The following YWHAQ variants were observed in gnomAD, a reference collection of about 807,000 sequenced individuals.
YWHAQ encodes tyrosine 3-monooxygenase/tryptophan 5-monooxygenase activation protein theta.
YWHAQ carries 6 observed loss-of-function variants against 28.3 expected under a neutral mutation model. The ratio of observed to expected loss-of-function variants is 0.21; its 90% CI spans 0.12 to 0.42. The LOEUF is 0.42. YWHAQ is among the 10% of genes least tolerant of loss of function. YWHAQ has a pLI of 1.00. For missense variants in YWHAQ, 201 were observed against 305.6 expected (o/e 0.66, Z 2.55); for synonymous variants, 143 against 119.1 (o/e 1.20, Z -1.31).
At chr2:9,604,259 A>C (rs1666774380) in intron 2 of YWHAQ, among the ~76,000 whole-genome samples, 1 of 152,164 alleles carries the variant, frequency 6.6e-6, no homozygotes, top group Non-Finnish European at 1.5e-5. Flanking sequence ...CGGGGGGAAA[A>C]GGTATTCCAA....
At chr2:9,591,583 AAACTTC>A in intron 2 of YWHAQ, 68 bp from the exon 3 acceptor site, 1 of 1,536,198 alleles carries the variant, frequency 6.5e-7, no homozygotes, top group Non-Finnish European at 8.8e-7. Flanking sequence ...TTAAATGATA[AAACTTC>A]TGCCTAGCGG....
chr2:9,598,392 G>C (rs912781852), intron 2 of YWHAQ, among the ~76,000 whole-genome samples: 1 of 152,164 alleles, frequency 6.6e-6, no homozygotes, highest in African/African-American at 2.4e-5. Context: ...TAAGCCCACT[G>C]TCCTAGCAGA....
intron 2 of YWHAQ, among the ~76,000 whole-genome samples, chr2:9,607,711 CTTT>C (rs34963513): frequency 1.6e-4 from 21 of 128,642 alleles, no homozygotes; most frequent in African/African-American, 2.7e-4. Context: ...AATTCTTCCT[CTTT>C]TTTTTTTTTT....
At chr2:9,624,751 CT>C (rs368023264) in intron 2 of YWHAQ, among the ~76,000 whole-genome samples, 384 of 145,518 alleles carry the variant, frequency 2.6e-3, no homozygotes, top group African/African-American at 4.4e-3. Context: ...CTATTTCACT[CT>C]TTTTTTTTTT....
At chr2:9,612,603 T>G (rs1230870754) in intron 2 of YWHAQ, among the ~76,000 whole-genome samples, 1 of 152,164 alleles carries the variant, frequency 6.6e-6, no homozygotes, top group African/African-American at 2.4e-5. Context: ...TCTGGACCAG[T>G]AGGAGGAGTG....
intron 2 of YWHAQ, among the ~76,000 whole-genome samples, chr2:9,606,046 T>C (rs1666820916): frequency 6.6e-6 from 1 of 152,186 alleles, no homozygotes; most frequent in Non-Finnish European, 1.5e-5. Flanking sequence ...ATGTACAGTA[T>C]TCTACTGTAT....
chr2:9,628,153 C>T (rs1288349822), intron 2 of YWHAQ, among the ~76,000 whole-genome samples: 1 of 151,980 alleles, frequency 6.6e-6, no homozygotes, highest in African/African-American at 2.4e-5. Context: ...TGAAGAAGTG[C>T]TTTCCCAAGA....
intron 2 of YWHAQ, among the ~76,000 whole-genome samples, chr2:9,600,981 T>C (rs1410144213): frequency 1.3e-5 from 2 of 152,262 alleles, no homozygotes; most frequent in Non-Finnish European, 2.9e-5. Flanking sequence ...GACTACAGTA[T>C]AGTGTAAGCA....
At chr2:9,605,116 G>T (rs1404115174) in intron 2 of YWHAQ, among the ~76,000 whole-genome samples, 3 of 149,290 alleles carry the variant, frequency 2.0e-5, no homozygotes, top group Non-Finnish European at 4.4e-5. Context: ...AAGAAAAAAT[G>T]ATAGTTTCCC....
At chr2:9,625,306 C>G (rs1667229452) in intron 2 of YWHAQ, among the ~76,000 whole-genome samples, 4 of 151,186 alleles carry the variant, frequency 2.6e-5, no homozygotes, top group Non-Finnish European at 5.9e-5. Context: ...TGCCTTTAAG[C>G]AGCCTACAAT....
In YWHAQ at chr2:9,630,355, C is replaced by A. The variant is rs778991719; in HGVS notation, c.98G>T (p.Gly33Val). Reference protein sequence around the residue: ...ATCMKAVTEQGAELSNEERNL... With the variant: ...ATCMKAVTEQVAELSNEERNL... Reference sequence around the variant, plus strand: ...GCGCTCCTCGTTGGACAGCTCGGCGCCCTGCTCGGTCACTGCCTTCATGCA... The same window carrying A: ...GCGCTCCTCGTTGGACAGCTCGGCGACCTGCTCGGTCACTGCCTTCATGCA... The change falls in exon 2 of 6, where the codon GGC (glycine) becomes GTC (valine). Residue 33 changes from glycine to valine, a missense_variant. Coordinates refer to ENST00000238081, the MANE Select transcript of YWHAQ (RefSeq NM_006826.4). This position sits in a 1 kb window ranked among gnomAD's most constrained non-coding sequence, Gnocchi z 5.6. 3.1e-6 allele frequency: 5 copies of A among 1,613,994 alleles called. No homozygotes were observed. The South Asian group carries it at 5.5e-5, about 18-fold the overall frequency.
intron 2 of YWHAQ, among the ~76,000 whole-genome samples, chr2:9,597,677 G>A (rs1666601979): frequency 1.4e-5 from 2 of 146,400 alleles, no homozygotes; most frequent in Admixed American, 6.8e-5. Context: ...AAATTGTTAA[G>A]ACTTAGAATC....
chr2:9,603,920 A>G (rs1399041580), intron 2 of YWHAQ, among the ~76,000 whole-genome samples: 1 of 152,090 alleles, frequency 6.6e-6, no homozygotes, highest in Admixed American at 6.5e-5. Flanking sequence ...GTGACACTCC[A>G]TCTCAACAAC....
In YWHAQ at chr2:9,588,247, C is replaced by T. The variant is rs367832498; in HGVS notation, c.500G>A (p.Arg167His). Reference sequence around the variant, plus strand: ...AGAAAAGTTAAGAGCAAGCCCCAGGCGGATTGGGTGTGTGGGTTGCATCTC... The same window carrying T: ...AGAAAAGTTAAGAGCAAGCCCCAGGTGGATTGGGTGTGTGGGTTGCATCTC... ...KKEMQPTHPI[R>H]LGLALNFSVF... Residue 167 changes from arginine (R) to histidine (H), a missense_variant, in exon 4 of 6, where the codon CGC becomes CAC. Arg to His is a conservative substitution (Grantham distance 29). Transcript: ENST00000238081. The T allele has an allele frequency of 1.1e-5, 17 of 1,607,952 alleles. No homozygotes were observed. The highest frequency in any genetic ancestry group is 2.7e-5 in the African/African-American group (2 of 74,296).
At chr2:9,613,850 C>T (rs1666996955) in intron 2 of YWHAQ, among the ~76,000 whole-genome samples, 1 of 152,156 alleles carries the variant, frequency 6.6e-6, no homozygotes, top group Non-Finnish European at 1.5e-5. Flanking sequence ...AAATGTTCAC[C>T]CTGTCTTCCA....
intron 2 of YWHAQ, among the ~76,000 whole-genome samples, chr2:9,593,500 C>T (rs944628465): frequency 3.9e-5 from 6 of 151,980 alleles, no homozygotes; most frequent in African/African-American, 1.2e-4. Context: ...TGAGCCACTG[C>T]GCCTGGCCCA....
Position 9,591,373 on chromosome 2 carries a change from A to T in YWHAQ, c.418+19T>A, listed in dbSNP as rs1250751410. On this transcript the variant is annotated intron_variant, in intron 3 of 5. Coordinates refer to ENST00000238081, the MANE Select transcript of YWHAQ (RefSeq NM_006826.4). ...TTTTTTTTATATTCTACTTTTGCCC[A>T]TATAACAAATAAACTTACGTTTTCG... 6.2e-7 allele frequency: 1 copy of T among 1,603,412 alleles called. No individual in the cohort carries two copies. The highest frequency in any genetic ancestry group is 8.5e-7 in the Non-Finnish European group (1 of 1,172,366).
At chr2:9,601,855 C>T (rs1467758939) in intron 2 of YWHAQ, among the ~76,000 whole-genome samples, 1 of 152,068 alleles carries the variant, frequency 6.6e-6, no homozygotes, top group East Asian at 1.9e-4. Context: ...GCTGTGTTGG[C>T]CAGGGTGGTC....
In YWHAQ at chr2:9,587,587, C is replaced by T. The variant is rs1305720897; in HGVS notation, c.583-78G>A. 3 of 1,301,280 alleles carry T rather than the reference C, an allele frequency of 2.3e-6. No individual in the cohort carries two copies. The African/African-American group carries it at 4.4e-5, about 19-fold the overall frequency. 80.6% of individuals were successfully genotyped at this position (1,301,280 alleles called of 1,614,324 possible). On this transcript the variant is annotated intron_variant, in intron 4 of 5. Coordinates refer to ENST00000238081, the MANE Select transcript of YWHAQ (RefSeq NM_006826.4). ...ATTCTACAATTACAAACCATTTTTA[C>T]AAAATAAGTGAACACCCACCTTATG...
Sources: allele counts gnomAD v4.1 joint callset (sites outside exome capture counted in the v4.1 genomes callset), GRCh38; gene constraint gnomAD v4.1.1; non-coding constraint Gnocchi (gnomAD v3.1); transcripts MANE v1.5; gene names NCBI Gene and HGNC (gene_info 2026-07-23, HGNC 2026-07-21).